PLEKHA1: variants seen among roughly 807,000 people sequenced by gnomAD.
PLEKHA1 encodes pleckstrin homology domain containing A1.
PLEKHA1 carries 34 observed loss-of-function variants against 52.0 expected under a neutral mutation model. That is an observed-to-expected ratio of 0.65 (90% confidence interval 0.50 to 0.87). The LOEUF is 0.87. PLEKHA1 is among the 40% of genes least tolerant of loss of function. The pLI, the probability that PLEKHA1 is intolerant of heterozygous loss-of-function variation, is 0.00. For missense variants in PLEKHA1, 497 were observed against 504.2 expected, an observed-to-expected ratio of 0.99 and a Z score of 0.14; for synonymous variants, 163 against 170.7, an observed-to-expected ratio of 0.95 and a Z score of 0.35.
chr10:122,424,394 G>A, intron 9 of PLEKHA1, 131 bp downstream of exon 9: 1 of 1,026,036 alleles, frequency 9.7e-7, no homozygotes, highest in Non-Finnish European at 1.3e-6. Flanking sequence ...TTATAGTTGA[G>A]ATACACTAGA....
chr10:122,425,112 G>C (rs554664571), intron 10 of PLEKHA1, 153 bp downstream of exon 10: 1 of 532,854 alleles, frequency 1.9e-6, no homozygotes, highest in East Asian at 3.2e-5. Context: ...TGTATATAGA[G>C]TTATTGGTGG....
intron 2 of PLEKHA1, among the ~76,000 whole-genome samples, chr10:122,396,809 A>G (rs1426669193): frequency 6.6e-6 from 1 of 152,108 alleles, no homozygotes; most frequent in Non-Finnish European, 1.5e-5. Context: ...CTTCTATCAT[A>G]GAAATGAAAT....
chr10:122,416,172 A>C (rs552395784), intron 7 of PLEKHA1, among the ~76,000 whole-genome samples, 170 bp downstream of exon 7: 1 of 152,354 alleles, frequency 6.6e-6, no homozygotes, highest in African/African-American at 2.4e-5. Context: ...TTATAATTCA[A>C]TGCTGTTATT....
chr10:122,381,607 C>T (rs1443226981), intron 1 of PLEKHA1, among the ~76,000 whole-genome samples: 3 of 152,142 alleles, frequency 2.0e-5, no homozygotes, highest in Admixed American at 6.6e-5. Flanking sequence ...AGTCATGCCT[C>T]CTGTACAGAC....
Position 122,393,166 on chromosome 10 carries a change from A to G in PLEKHA1, c.-20-15A>G, listed in dbSNP as rs2096799325. ...GTTTCATAGGGAGCTTACTGTTAAT[A>G]TTTTTATTTTACAGTGTAATGTTCA... On this transcript the variant is annotated splice_polypyrimidine_tract_variant and intron_variant, in intron 1 of 11. Transcript: ENST00000368990. The surrounding 1 kb of genome is among the most constrained non-coding windows in gnomAD (Gnocchi z 4.5). The G allele has an allele frequency of 1.9e-6, 3 of 1,566,170 alleles. No individual in the cohort carries two copies. Among genetic ancestry groups the G allele is most frequent in the Non-Finnish European group, 2.6e-6 (3 of 1,157,038 alleles).
intron 1 of PLEKHA1, chr10:122,386,992 G>C (rs766839241): frequency 3.3e-5 from 5 of 152,104 alleles, no homozygotes; most frequent in Non-Finnish European, 5.9e-5. Context: ...TTGTTTGCAT[G>C]AATTCTTATT....
Position 122,393,219 on chromosome 10 carries a change from C to G in PLEKHA1, c.19C>G (p.Gln7Glu), listed in dbSNP as rs900342241. 4 of 1,611,444 alleles carry G rather than the reference C, an allele frequency of 2.5e-6. 1 individual carries two copies. The highest frequency in any genetic ancestry group is 3.4e-5 in the Admixed American group (2 of 59,694). The change falls in exon 2 of 12, where the codon CAG (glutamine) becomes GAG (glutamate). Residue 7 changes from glutamine to glutamate, a missense_variant. Coordinates refer to ENST00000368990, the MANE Select transcript of PLEKHA1 (RefSeq NM_001001974.4). The surrounding 1 kb of genome is among the most constrained non-coding windows in gnomAD (Gnocchi z 4.5). The part of the protein sequence containing the change: MPYVDR[Q>E]NRICGFLDIE... ...CTCAGAAATGCCTTATGTGGATCGT[C>G]AGAATCGCATTTGTGGTTTTCTAGA...
chr10:122,428,108 A>T (rs1287787761), intron 11 of PLEKHA1, among the ~76,000 whole-genome samples: 1 of 152,208 alleles, frequency 6.6e-6, no homozygotes, highest in African/African-American at 2.4e-5. Flanking sequence ...TCTCTGCAAA[A>T]ACAGTGTCTG....
chr10:122,438,083 C>G, the PLEKHA1 span: 4 of 152,014 alleles, frequency 2.6e-5, no homozygotes, highest in African/African-American at 9.7e-5. Context: ...TGGCAAAATC[C>G]CATTTCTACA....
At chr10:122,383,966 CT>C (rs372312455) in intron 1 of PLEKHA1, among the ~76,000 whole-genome samples, 146 of 152,148 alleles carry the variant, frequency 9.6e-4, no homozygotes, top group Non-Finnish European at 1.4e-3. Context: ...CCATTTCTTA[CT>C]GTATAGATTT....
chr10:122,388,709 G>A (rs1028092968), intron 1 of PLEKHA1, among the ~76,000 whole-genome samples: 13 of 152,140 alleles, frequency 8.5e-5, no homozygotes, highest in Admixed American at 2.0e-4. Context: ...AATGCTAACA[G>A]TCATCTCAGC....
intron 1 of PLEKHA1, among the ~76,000 whole-genome samples, chr10:122,385,670 T>C (rs1414991523): frequency 6.6e-6 from 1 of 152,232 alleles, no homozygotes; most frequent in African/African-American, 2.4e-5. Context: ...ATTCATGTTG[T>C]TGCATCTGTC....
chr10:122,375,493 C>T (rs2096519058), intron 1 of PLEKHA1, among the ~76,000 whole-genome samples: 1 of 151,268 alleles, frequency 6.6e-6, no homozygotes, highest in South Asian at 2.1e-4. Flanking sequence ...GCGACCAGAC[C>T]CAGGTCTTTC....
intron 1 of PLEKHA1, among the ~76,000 whole-genome samples, chr10:122,389,507 C>G (rs936455848): frequency 6.6e-6 from 1 of 152,140 alleles, no homozygotes; most frequent in Non-Finnish European, 1.5e-5. Flanking sequence ...TGAGAGCAGC[C>G]CGGCCAATGT....
In PLEKHA1 at chr10:122,417,941, C is replaced by A; in HGVS notation, c.654C>A (p.Asn218Lys). Residue 218 changes from asparagine (N) to lysine (K), a missense_variant, in exon 8 of 12, where the codon AAC (asparagine) becomes AAA (lysine). Asn to Lys is a moderately conservative substitution (Grantham distance 94). Transcript: ENST00000368990. ...WKRRYFQLDE[N>K]TIGYFKSELE... is the part of the protein sequence containing the mutation. ...GAAGATATTTTCAATTGGATGAAAA[C>A]ACAATAGGCTACTTCAAATCTGAAC... The A allele has an allele frequency of 6.2e-7, 1 of 1,611,768 alleles. No individual in the cohort carries two copies. The highest frequency in any genetic ancestry group is 1.1e-5 in the South Asian group (1 of 91,038).
chr10:122,379,651 G>A (rs2096587580), intron 1 of PLEKHA1, among the ~76,000 whole-genome samples: 1 of 152,180 alleles, frequency 6.6e-6, no homozygotes, highest in Admixed American at 6.5e-5. Flanking sequence ...GGATGGTGCT[G>A]ATTAGGGTGC....
In PLEKHA1 at chr10:122,424,938, G is replaced by T. The variant is rs147706669; in HGVS notation, c.789G>T (p.Thr263=). Residue 263 remains threonine (T), a synonymous_variant, in exon 10 of 12, where the codon ACG becomes ACT. Transcript: ENST00000368990. The stretch of plus-strand genomic sequence containing the variant: ...ACAACCTCTTTGAAATTGTAACAAC[G>T]TCTCGAACTTTCTATGTGCAGGTAA... ...MRDNLFEIVT[T]SRTFYVQADS... 5 of 1,608,350 alleles carry T rather than the reference G, an allele frequency of 3.1e-6. No homozygotes were observed. The highest frequency in any genetic ancestry group is 3.4e-6 in the Non-Finnish European group (4 of 1,177,278).
intron 1 of PLEKHA1, among the ~76,000 whole-genome samples, chr10:122,377,726 CTT>C (rs1277134778): frequency 1.3e-5 from 2 of 152,076 alleles, no homozygotes; most frequent in Non-Finnish European, 2.9e-5. Flanking sequence ...CCCTAAGTAA[CTT>C]TTTTTCTTGT....
At chr10:122,384,182 A>G (rs781772278) in intron 1 of PLEKHA1, among the ~76,000 whole-genome samples, 7 of 152,142 alleles carry the variant, frequency 4.6e-5, no homozygotes, top group East Asian at 1.9e-4. Context: ...AACGTTTGAT[A>G]TATTTCCCTT....
Sources: allele counts gnomAD v4.1 joint callset (sites outside exome capture counted in the v4.1 genomes callset), GRCh38; gene constraint gnomAD v4.1.1; non-coding constraint Gnocchi (gnomAD v3.1); transcripts MANE v1.5; gene names NCBI Gene and HGNC (gene_info 2026-07-23, HGNC 2026-07-21).